Variants in PACS1 observed in about 807,000 individuals in gnomAD.
PACS1 encodes the protein phosphofurin acidic cluster sorting protein 1.
PACS1 carries 24 observed loss-of-function variants against 115.0 expected under a neutral mutation model. The ratio of observed to expected loss-of-function variants is 0.21; its 90% CI spans 0.15 to 0.29. The LOEUF (loss-of-function observed/expected upper bound fraction) is 0.29, where lower values mean the gene tolerates loss of function less well. Ranked by LOEUF, PACS1 falls within the 10% of genes least tolerant of loss-of-function variation. The pLI is 1.00. For synonymous variants in PACS1, 453 were observed against 504.5 expected (o/e 0.90, Z 1.37); for missense variants, 838 against 1,251.2 (o/e 0.67, Z 4.98).
At chr11:66,172,973 T>G (rs1039687266) in intron 1 of PACS1, among the ~76,000 whole-genome samples, 5 of 81,404 alleles carry the variant, frequency 6.1e-5, no homozygotes, top group Non-Finnish European at 1.2e-4. Context: ...AGACTCTGTC[T>G]CAAAAAAAAA....
At chr11:66,194,120 C>T (rs1030276178) in intron 2 of PACS1, among the ~76,000 whole-genome samples, 4 of 152,146 alleles carry the variant, frequency 2.6e-5, no homozygotes, top group East Asian at 1.9e-4. Context: ...CCTGCCACCA[C>T]GCCCGGCTAA....
intron 1 of PACS1, among the ~76,000 whole-genome samples, chr11:66,170,670 A>T (rs1278118558): frequency 6.7e-6 from 1 of 149,286 alleles, no homozygotes; most frequent in Non-Finnish European, 1.5e-5. Context: ...GGGCATGGTA[A>T]CTCATGCCTG....
intron 3 of PACS1, 75 bp from the exon 4 acceptor site, chr11:66,211,059 A>T: frequency 6.5e-7 from 1 of 1,534,402 alleles, no homozygotes. Context: ...GCACAGAAAG[A>T]CTGTGTGTCC....
At chr11:66,191,278 T>G (rs1854514091) in intron 1 of PACS1, among the ~76,000 whole-genome samples, 2 of 152,164 alleles carry the variant, frequency 1.3e-5, no homozygotes, top group Admixed American at 6.5e-5. Context: ...TAAAGGCTCT[T>G]GTGATCATAT....
intron 1 of PACS1, among the ~76,000 whole-genome samples, chr11:66,153,649 T>G (rs763916624): frequency 5.9e-5 from 9 of 151,982 alleles, no homozygotes; most frequent in Non-Finnish European, 1.2e-4. Flanking sequence ...GGCATGGTGG[T>G]GGGCACCTGT....
At chr11:66,203,877 C>T (rs202169614) in intron 2 of PACS1, among the ~76,000 whole-genome samples, 1 of 56,918 alleles carries the variant, frequency 1.8e-5, no homozygotes, top group African/African-American at 4.1e-5. Context: ...AGACTTAACT[C>T]TAATACCTGA....
Position 66,233,255 on chromosome 11 carries a change from G to A in PACS1, c.1838+189G>A, listed in dbSNP as rs929925758. Among the ~76,000 whole-genome samples, 12 of 152,126 alleles carry A rather than the reference G, an allele frequency of 7.9e-5. No individual in the cohort carries two copies. The highest frequency in any genetic ancestry group is 2.1e-4 in the South Asian group (1 of 4,832). On this transcript the variant is annotated intron_variant, in intron 15 of 23. Transcript: ENST00000320580. This position sits in a 1 kb window ranked among gnomAD's most constrained non-coding sequence, Gnocchi z 4.5. Reference sequence around the variant, plus strand: ...AGGCCCCGGCAGACCCCAGAGGATCGGGGGTGGAAATATCAATTCCTGTGC... The same window carrying A: ...AGGCCCCGGCAGACCCCAGAGGATCAGGGGTGGAAATATCAATTCCTGTGC...
chr11:66,105,414 ACT>A (rs1858015044), intron 1 of PACS1, among the ~76,000 whole-genome samples: 1 of 152,128 alleles, frequency 6.6e-6, no homozygotes, highest in South Asian at 2.1e-4. Context: ...CAAGAGTGAA[ACT>A]CTGTTTCAAA....
chr11:66,176,408 G>T (rs1026946811), intron 1 of PACS1, among the ~76,000 whole-genome samples: 1 of 113,440 alleles, frequency 8.8e-6, no homozygotes, highest in East Asian at 2.8e-4. Flanking sequence ...CCCAGCATAA[G>T]ATCCAGATTT....
intron 1 of PACS1, among the ~76,000 whole-genome samples, chr11:66,186,033 G>A (rs1324725381): frequency 1.3e-5 from 2 of 152,102 alleles, no homozygotes; most frequent in African/African-American, 4.8e-5. Flanking sequence ...TTGGGAGGCC[G>A]AGGCAGGAGG....
chr11:66,206,370 C>T (rs971123587), intron 2 of PACS1, among the ~76,000 whole-genome samples: 2 of 152,028 alleles, frequency 1.3e-5, no homozygotes, highest in African/African-American at 2.4e-5. Flanking sequence ...CTGGAAGAAG[C>T]AAATACTGGA....
At chr11:66,237,200 A>G (rs1855722319) in intron 19 of PACS1, among the ~76,000 whole-genome samples, 1 of 152,162 alleles carries the variant, frequency 6.6e-6, no homozygotes, top group Non-Finnish European at 1.5e-5. Context: ...TACAGGCTTG[A>G]GCCCCTGTGC....
intron 1 of PACS1, among the ~76,000 whole-genome samples, chr11:66,091,072 A>G (rs1857651609): frequency 6.6e-6 from 1 of 152,142 alleles, no homozygotes; most frequent in South Asian, 2.1e-4. Context: ...AGAAAAGACA[A>G]ATGCTCCTTT....
chr11:66,239,008 G>C (rs777927053), intron 20 of PACS1, 134 bp from the exon 21 acceptor site: 136 of 1,425,166 alleles, frequency 9.5e-5, no homozygotes, highest in Non-Finnish European at 1.3e-4. Flanking sequence ...GGTGGTGGCT[G>C]GGGGAGGTGG....
chr11:66,202,742 AATATATAT>A (rs56203680), intron 2 of PACS1, among the ~76,000 whole-genome samples: 99 of 71,504 alleles, frequency 1.4e-3, no homozygotes, highest in African/African-American at 3.5e-3. Flanking sequence ...AAAAAAAAAA[AATATATAT>A]ATATATATAT....
At chr11:66,113,763 C>G (rs1858239402) in intron 1 of PACS1, among the ~76,000 whole-genome samples, 1 of 152,184 alleles carries the variant, frequency 6.6e-6, no homozygotes, top group Admixed American at 6.5e-5. Context: ...CAAACTCTTG[C>G]TCTGACATTA....
At chr11:66,183,438 G>A (rs1227027998) in intron 1 of PACS1, among the ~76,000 whole-genome samples, 1 of 152,154 alleles carries the variant, frequency 6.6e-6, no homozygotes, top group Admixed American at 6.5e-5. Flanking sequence ...AAGAGGCAGG[G>A]CTTATTCTTC....
intron 1 of PACS1, among the ~76,000 whole-genome samples, chr11:66,175,318 A>G (rs897888664): frequency 8.6e-5 from 13 of 151,968 alleles, no homozygotes; most frequent in African/African-American, 2.7e-4. Flanking sequence ...TTGGTATTCT[A>G]CAGATTCACA....
intron 2 of PACS1, among the ~76,000 whole-genome samples, chr11:66,205,665 T>TC (rs1854918355): frequency 6.6e-6 from 1 of 151,254 alleles, no homozygotes; most frequent in African/African-American, 2.4e-5. Context: ...TTAATTTTTT[T>TC]TTTTTTTTTT....
Sources: allele counts gnomAD v4.1 joint callset (sites outside exome capture counted in the v4.1 genomes callset), GRCh38; gene constraint gnomAD v4.1.1; non-coding constraint Gnocchi (gnomAD v3.1); transcripts MANE v1.5; gene names NCBI Gene and HGNC (gene_info 2026-07-23, HGNC 2026-07-21).